Variants in YPEL2 observed in about 807,000 individuals in gnomAD.
The protein encoded by YPEL2 is yippee like 2, also known as protein yippee-like 2.
A neutral mutation model predicts 19.1 loss-of-function variants in YPEL2; 2 were observed. The ratio of observed to expected loss-of-function variants is 0.10; its 90% CI spans 0.04 to 0.33. The LOEUF is 0.33. Among genes scored for constraint, YPEL2 ranks in the 10% least tolerant of loss-of-function variants. The pLI is 1.00. For synonymous variants in YPEL2, 52 were observed against 50.0 expected, an observed-to-expected ratio of 1.04 and a Z score of -0.17; for missense variants, 66 against 140.7, an observed-to-expected ratio of 0.47 and a Z score of 2.68.
intron 1 of YPEL2, among the ~76,000 whole-genome samples, chr17:59,332,696 G>A (rs1345307986): frequency 6.6e-6 from 1 of 152,230 alleles, no homozygotes; most frequent in East Asian, 1.9e-4. Context: ...AGTCTTAGCT[G>A]CGAGAGTTTA....
chr17:59,354,430 T>A (rs1444223151), intron 2 of YPEL2: 1 of 152,168 alleles, frequency 6.6e-6, no homozygotes, highest in Non-Finnish European at 1.5e-5. Context: ...GTTTTGTTTT[T>A]AAATGTGTTC....
At chr17:59,362,486 C>CT (rs1381535866) in intron 2 of YPEL2, among the ~76,000 whole-genome samples, 2 of 152,082 alleles carry the variant, frequency 1.3e-5, no homozygotes, top group African/African-American at 4.8e-5. Flanking sequence ...TTTTGTTTTT[C>CT]TTTTGCTGCA....
intron 1 of YPEL2, among the ~76,000 whole-genome samples, chr17:59,338,353 T>A (rs552819515): frequency 2.0e-4 from 30 of 152,370 alleles, no homozygotes; most frequent in African/African-American, 6.7e-4. Flanking sequence ...TTGTTTTACC[T>A]GATACGAAAT....
chr17:59,378,276 G>A (rs572257357), intron 2 of YPEL2, among the ~76,000 whole-genome samples: 1 of 150,408 alleles, frequency 6.6e-6, no homozygotes, highest in African/African-American at 2.5e-5. Context: ...AAAGGGCCCA[G>A]TTTGTGTAGG....
At chr17:59,332,906 A>C (rs1249946133) in intron 1 of YPEL2, among the ~76,000 whole-genome samples, 5 of 152,162 alleles carry the variant, frequency 3.3e-5, no homozygotes, top group Admixed American at 6.5e-5. Context: ...CCTTTGGTGA[A>C]TCTGAAGGCT....
Position 59,397,255 on chromosome 17 carries a change from C to T in YPEL2, c.*65C>T, listed in dbSNP as rs531849575. 6.9e-6 allele frequency: 9 copies of T among 1,307,306 alleles called. No homozygotes were observed. In the East Asian group the frequency reaches 7.9e-5, roughly 11 times the overall value. 81.0% of individuals were successfully genotyped at this position (1,307,306 alleles called of 1,614,324 possible). A position where few individuals can be genotyped will look rare whatever the true frequency, so the allele number is the denominator to read the frequency against. On this transcript the variant is annotated 3_prime_UTR_variant, in exon 5 of 5. Coordinates refer to ENST00000312655, the MANE Select transcript of YPEL2 (RefSeq NM_001005404.4). ...CATTCAACCGAACATTCTTCCCAAG[C>T]GTGAGAGAGTGACTGACACTTGGTT... is the stretch of plus-strand genomic sequence containing the variant.
intron 1 of YPEL2, among the ~76,000 whole-genome samples, chr17:59,350,970 G>T (rs1230505512): frequency 6.6e-6 from 1 of 152,128 alleles, no homozygotes; most frequent in African/African-American, 2.4e-5. Context: ...TGGCCTGGGG[G>T]AAGCCTACTG....
intron 2 of YPEL2, among the ~76,000 whole-genome samples, chr17:59,384,733 CA>C (rs1370223187): frequency 6.6e-6 from 1 of 152,218 alleles, no homozygotes; most frequent in African/African-American, 2.4e-5. Context: ...TTGTCTTGCA[CA>C]CCTTGCTGGG....
At chr17:59,384,858 GTCTT>G (rs1487707013) in intron 2 of YPEL2, among the ~76,000 whole-genome samples, 1 of 152,142 alleles carries the variant, frequency 6.6e-6, no homozygotes, top group African/African-American at 2.4e-5. Context: ...ATTCTTCAAA[GTCTT>G]TCTCTGTCAT....
intron 4 of YPEL2, among the ~76,000 whole-genome samples, chr17:59,395,893 A>G (rs1466461724): frequency 6.6e-6 from 1 of 152,124 alleles, no homozygotes; most frequent in Middle Eastern, 3.2e-3. Flanking sequence ...CCTGGCTAAC[A>G]TGGTGAAACC....
At chr17:59,391,818 T>A (rs963483064) in intron 4 of YPEL2, among the ~76,000 whole-genome samples, 1 of 151,992 alleles carries the variant, frequency 6.6e-6, no homozygotes. Flanking sequence ...GAGAATCGCT[T>A]GAACCCAGGA....
At chr17:59,386,762 G>A (rs2047982216) in intron 2 of YPEL2, among the ~76,000 whole-genome samples, 1 of 152,172 alleles carries the variant, frequency 6.6e-6, no homozygotes, top group Non-Finnish European at 1.5e-5. Flanking sequence ...ACTCATAGCT[G>A]CTCAGTTGTA....
rs1018200184 is a variant in YPEL2 at position 59,344,396 on chromosome 17, C to T, written c.-195-8819C>T. 2.6e-5 allele frequency among the ~76,000 whole-genome samples: 4 copies of T among 152,138 alleles called. No homozygotes were observed. In the South Asian group the frequency reaches 6.2e-4, roughly 24 times the overall value. ...GGTAGGAGAAGAATCCAGAGAAACA[C>T]AGTAAAGCCCATTAAGGAGCATTTC... is the stretch of plus-strand genomic sequence containing the variant. On this transcript the variant is annotated intron_variant, in intron 1 of 4. Transcript: ENST00000312655.
chr17:59,338,982 G>A (rs1026502223), intron 1 of YPEL2, among the ~76,000 whole-genome samples: 1 of 152,196 alleles, frequency 6.6e-6, no homozygotes, highest in East Asian at 1.9e-4. Flanking sequence ...CACTGAGGTC[G>A]TGCTTGATCC....
chr17:59,374,986 A>G (rs2047913591), intron 2 of YPEL2, among the ~76,000 whole-genome samples: 1 of 152,226 alleles, frequency 6.6e-6, no homozygotes, highest in Admixed American at 6.5e-5. Context: ...TTACAGTGCC[A>G]AGGATCTAAA....
intron 4 of YPEL2, among the ~76,000 whole-genome samples, chr17:59,394,527 G>A (rs1048088346): frequency 6.6e-6 from 1 of 150,676 alleles, no homozygotes; most frequent in South Asian, 2.1e-4. Flanking sequence ...CATCCCAGAC[G>A]ATGGGCGGCC....
intron 1 of YPEL2, among the ~76,000 whole-genome samples, chr17:59,341,340 G>A (rs774536486): frequency 1.1e-4 from 16 of 146,504 alleles, no homozygotes; most frequent in South Asian, 4.4e-4. Flanking sequence ...TGCAATGAGC[G>A]GAGATCGCAC....
intron 1 of YPEL2, among the ~76,000 whole-genome samples, chr17:59,335,699 C>A (rs1460907521): frequency 6.6e-6 from 1 of 152,000 alleles, no homozygotes; most frequent in Non-Finnish European, 1.5e-5. Flanking sequence ...CAGGCGCACC[C>A]CACCACGCCC....
At chr17:59,358,935 T>G (rs1441656978) in intron 2 of YPEL2, among the ~76,000 whole-genome samples, 1 of 148,814 alleles carries the variant, frequency 6.7e-6, no homozygotes. Flanking sequence ...TCTTTTTTTT[T>G]TTTTTTGAGA....
Sources: allele counts gnomAD v4.1 joint callset (sites outside exome capture counted in the v4.1 genomes callset), GRCh38; gene constraint gnomAD v4.1.1; transcripts MANE v1.5; gene names NCBI Gene and HGNC (gene_info 2026-07-23, HGNC 2026-07-21).